KATNA1: variants seen among roughly 807,000 people sequenced by gnomAD.
KATNA1 encodes the protein katanin p60 ATPase-containing subunit A1.
KATNA1 carries 42 observed loss-of-function variants against 62.6 expected under a neutral mutation model. The observed-to-expected ratio is 0.67, with a 90% CI of 0.52 to 0.87. The LOEUF is 0.87. KATNA1 is among the 40% of genes least tolerant of loss of function. The pLI is 0.00. For missense variants in KATNA1, 498 were observed against 612.5 expected (o/e 0.81, Z 1.97); for synonymous variants, 186 against 201.9 (o/e 0.92, Z 0.67).
chr6:149,632,635 G>C (rs1779893684), intron 3 of KATNA1, 124 bp downstream of exon 3: 1 of 727,310 alleles, frequency 1.4e-6, no homozygotes, highest in Non-Finnish European at 2.2e-6. Context: ...TTATAAAAGA[G>C]AGAACGTTCA....
intron 10 of KATNA1, 124 bp from the exon 11 acceptor site, chr6:149,595,358 G>T: frequency 1.6e-6 from 1 of 641,926 alleles, no homozygotes. Flanking sequence ...ACATATATAT[G>T]TAGTATTGTA....
intron 1 of KATNA1, 83 bp from the exon 2 acceptor site, chr6:149,638,643 G>T (rs1464026621): frequency 1.1e-6 from 1 of 926,744 alleles, no homozygotes. Context: ...ATACTTTCCA[G>T]GGCTCCCTCA....
Position 149,623,205 on chromosome 6 carries a change from A to T in KATNA1, c.399T>A (p.Thr133=), listed in dbSNP as rs1779474663. The change falls in exon 4 of 11, where the codon ACT becomes ACA. Residue 133 remains threonine (T), a synonymous_variant. Transcript: ENST00000367411. ...PKSHGNRPST[T]VRVHRSSAQN... The stretch of plus-strand genomic sequence containing the variant: ...GTGCAGATGAACGGTGAACTCTGAC[A>T]GTTGTACTTGGACGATTACCATGTG... 3 of 1,613,782 alleles carry T rather than the reference A, an allele frequency of 1.9e-6. No homozygotes were observed. The highest frequency in any genetic ancestry group is 2.5e-6 in the Non-Finnish European group (3 of 1,179,794).
At chr6:149,605,172 CA>C (rs377444733) in intron 4 of KATNA1, among the ~76,000 whole-genome samples, 230 of 121,136 alleles carry the variant, frequency 1.9e-3, no homozygotes, top group Admixed American at 1.9e-3. Flanking sequence ...GACACCAACT[CA>C]AAAAAAAAAA....
At chr6:149,645,241 A>T (rs897333409) in intron 1 of KATNA1, among the ~76,000 whole-genome samples, 1 of 152,112 alleles carries the variant, frequency 6.6e-6, no homozygotes, top group African/African-American at 2.4e-5. Flanking sequence ...GGTCAGATCA[A>T]GACCATCCTG....
chr6:149,627,722 G>T (rs1423900393), intron 3 of KATNA1, among the ~76,000 whole-genome samples: 1 of 151,588 alleles, frequency 6.6e-6, no homozygotes, highest in Non-Finnish European at 1.5e-5. Context: ...GATCATCAGG[G>T]GTGGTTTTTA....
At chr6:149,599,901 G>GCACTCCAA (rs1778473749) in intron 7 of KATNA1, among the ~76,000 whole-genome samples, 1 of 152,046 alleles carries the variant, frequency 6.6e-6, no homozygotes, top group Non-Finnish European at 1.5e-5. Flanking sequence ...GCCAATCAGA[G>GCACTCCAA]CACTCCAATT....
At chr6:149,618,218 C>T (rs1370400989) in intron 4 of KATNA1, among the ~76,000 whole-genome samples, 1 of 150,814 alleles carries the variant, frequency 6.6e-6, no homozygotes, top group Non-Finnish European at 1.5e-5. Context: ...TGGCTCACTC[C>T]TGTAATCCCA....
chr6:149,619,137 C>T (rs1193222636), intron 4 of KATNA1, among the ~76,000 whole-genome samples: 4 of 151,896 alleles, frequency 2.6e-5, no homozygotes, highest in Admixed American at 2.6e-4. Flanking sequence ...AAAAAACCCC[C>T]CACAAATAAT....
At chr6:149,616,647 G>C (rs1257715554) in intron 4 of KATNA1, among the ~76,000 whole-genome samples, 1 of 152,132 alleles carries the variant, frequency 6.6e-6, no homozygotes, top group Non-Finnish European at 1.5e-5. Flanking sequence ...CCAGACACTT[G>C]GGAGGCTGAG....
chr6:149,639,126 CCT>C (rs756389186), intron 1 of KATNA1, among the ~76,000 whole-genome samples: 1 of 151,838 alleles, frequency 6.6e-6, no homozygotes, highest in African/African-American at 2.4e-5. Flanking sequence ...ATGGCGAAAC[CCT>C]GTCTCTACTA....
chr6:149,646,598 C>A (rs1780495158), intron 1 of KATNA1, among the ~76,000 whole-genome samples: 1 of 152,070 alleles, frequency 6.6e-6, no homozygotes, highest in Admixed American at 6.6e-5. Context: ...TTTTTCTTAC[C>A]TTTATAACCA....
At chr6:149,624,776 G>A (rs1779540192) in intron 3 of KATNA1, among the ~76,000 whole-genome samples, 1 of 151,444 alleles carries the variant, frequency 6.6e-6, no homozygotes. Context: ...ATTTACAAGG[G>A]GGAAAACAAA....
chr6:149,648,387 C>T (rs1051760351), intron 1 of KATNA1, 82 bp downstream of exon 1: 3 of 152,444 alleles, frequency 2.0e-5, no homozygotes, highest in African/African-American at 7.2e-5. Flanking sequence ...GGCGGGTTCT[C>T]GCTGTGGGCC....
chr6:149,595,341 T>C, intron 10 of KATNA1, 107 bp from the exon 11 acceptor site: 1 of 709,792 alleles, frequency 1.4e-6, no homozygotes, highest in Non-Finnish European at 2.3e-6. Context: ...CATTCTCTAA[T>C]TATATTACAT....
chr6:149,596,997 A>G, intron 10 of KATNA1, 66 bp downstream of exon 10: 1 of 1,568,398 alleles, frequency 6.4e-7, no homozygotes, highest in East Asian at 2.2e-5. Context: ...TCAAAAAACA[A>G]AACCAAAAAA....
intron 4 of KATNA1, among the ~76,000 whole-genome samples, chr6:149,607,625 C>G (rs1032686538): frequency 6.6e-6 from 1 of 151,968 alleles, no homozygotes. Flanking sequence ...TAAAAACAAA[C>G]AATAACTTGT....
At chr6:149,634,438 T>C (rs950844241) in intron 2 of KATNA1, among the ~76,000 whole-genome samples, 2 of 151,940 alleles carry the variant, frequency 1.3e-5, no homozygotes, top group African/African-American at 4.8e-5. Flanking sequence ...GGTGAGAGAA[T>C]TGCTTGAGCC....
At chr6:149,628,363 C>T (rs565732164) in intron 3 of KATNA1, among the ~76,000 whole-genome samples, 1 of 151,350 alleles carries the variant, frequency 6.6e-6, no homozygotes, top group East Asian at 2.0e-4. Context: ...CCCGCCTCGA[C>T]CTCCCAAAGT....
Sources: gnomAD v4.1 joint callset for allele counts (sites outside exome capture counted in the v4.1 genomes callset) on GRCh38, gnomAD v4.1.1 for gene constraint, MANE v1.5 for transcripts, NCBI Gene and HGNC (gene_info 2026-07-23, HGNC 2026-07-21) for gene names.